NRXN3: variants seen among roughly 807,000 people sequenced by gnomAD.
NRXN3 encodes the protein neurexin 3, also known as neurexin III.
In NRXN3, 32 loss-of-function variants were observed where a neutral mutation model predicts 137.6. The ratio of observed to expected loss-of-function variants is 0.23; its 90% confidence interval spans 0.18 to 0.31. NRXN3 has a LOEUF of 0.31. NRXN3 is among the 10% of genes least tolerant of loss of function. NRXN3 has a pLI of 1.00. For missense variants in NRXN3, 1,574 were observed against 2,062.5 expected (o/e 0.76, Z 4.59); for synonymous variants, 798 against 784.5 (o/e 1.02, Z -0.29).
chr14:78,177,200 G>A (rs1364512114), intron 1 of NRXN3, among the ~76,000 whole-genome samples: 2 of 152,186 alleles, frequency 1.3e-5, no homozygotes, highest in African/African-American at 4.8e-5. Context: ...ACGAAGGGAA[G>A]CATGAATCCA....
chr14:79,366,499 T>TA (rs1452196130), intron 15 of NRXN3, among the ~76,000 whole-genome samples: 1 of 152,204 alleles, frequency 6.6e-6, no homozygotes, highest in Non-Finnish European at 1.5e-5. Flanking sequence ...ACTGTCATTC[T>TA]ACTCTCTATC....
At chr14:79,463,248 T>C (rs575956559) in intron 15 of NRXN3, among the ~76,000 whole-genome samples, 1 of 152,312 alleles carries the variant, frequency 6.6e-6, no homozygotes, top group East Asian at 1.9e-4. Context: ...GAAGAAACTA[T>C]AGGTCACCCA....
At chr14:79,250,723 C>T (rs1010533633) in intron 15 of NRXN3, among the ~76,000 whole-genome samples, 2 of 152,144 alleles carry the variant, frequency 1.3e-5, no homozygotes, top group Non-Finnish European at 2.9e-5. Context: ...TGTAAAAATA[C>T]TATGCCAGAA....
At chr14:79,173,654 A>C (rs991271970) in intron 15 of NRXN3, among the ~76,000 whole-genome samples, 1 of 152,134 alleles carries the variant, frequency 6.6e-6, no homozygotes, top group Non-Finnish European at 1.5e-5. Context: ...ATAACCAAAA[A>C]CCCAAGTAAC....
At chr14:78,733,289 T>A (rs1449514987) in intron 8 of NRXN3, among the ~76,000 whole-genome samples, 2 of 152,126 alleles carry the variant, frequency 1.3e-5, no homozygotes, top group African/African-American at 4.8e-5. Context: ...AGGGCACAGG[T>A]ATCCTGTATC....
chr14:79,461,717 A>G (rs559831263), intron 15 of NRXN3, among the ~76,000 whole-genome samples: 1 of 152,352 alleles, frequency 6.6e-6, no homozygotes, highest in East Asian at 1.9e-4. Flanking sequence ...AGCAATAACT[A>G]CATCTACTGG....
At chr14:79,669,204 A>T (rs1354982205) in intron 17 of NRXN3, 2 of 152,144 alleles carry the variant, frequency 1.3e-5, no homozygotes, top group African/African-American at 2.4e-5. Flanking sequence ...AAACAGAGAG[A>T]GCAGAGTCCT....
intron 19 of NRXN3, among the ~76,000 whole-genome samples, chr14:79,718,558 T>C (rs2098831528): frequency 6.6e-6 from 1 of 152,192 alleles, no homozygotes; most frequent in Admixed American, 6.5e-5. Flanking sequence ...ACATGGCTAT[T>C]GCTTTAATTC....
intron 16 of NRXN3, among the ~76,000 whole-genome samples, chr14:79,614,553 CCTTGCTTTTCCTT>C (rs1340787120): frequency 6.6e-6 from 1 of 152,162 alleles, no homozygotes; most frequent in Non-Finnish European, 1.5e-5. Flanking sequence ...TCTACTCCCT[CCTTGCTTTTCCTT>C]CTTATTACAC....
At chr14:78,681,860 GT>G (rs201439624) in intron 6 of NRXN3, among the ~76,000 whole-genome samples, 2 of 151,564 alleles carry the variant, frequency 1.3e-5, no homozygotes, top group African/African-American at 4.9e-5. Context: ...ACTCGGTTTT[GT>G]TTTTTTTGTT....
intron 15 of NRXN3, among the ~76,000 whole-genome samples, chr14:79,130,145 G>A (rs908245529): frequency 6.6e-6 from 1 of 150,382 alleles, no homozygotes; most frequent in Non-Finnish European, 1.5e-5. Context: ...TTGCCAGTCT[G>A]TGTCTTTTAA....
intron 3 of NRXN3, among the ~76,000 whole-genome samples, chr14:78,280,541 T>C (rs1369626432): frequency 6.6e-6 from 1 of 152,092 alleles, no homozygotes; most frequent in Admixed American, 6.5e-5. Context: ...CTCTTTCTGG[T>C]TCCCAGCAGA....
At chr14:79,100,082 C>T (rs1392014743) in intron 15 of NRXN3, among the ~76,000 whole-genome samples, 1 of 152,190 alleles carries the variant, frequency 6.6e-6, no homozygotes, top group Non-Finnish European at 1.5e-5. Context: ...CTTAAAGAGA[C>T]CATACCAGGG....
intron 4 of NRXN3, among the ~76,000 whole-genome samples, chr14:78,415,768 A>G (rs2093101312): frequency 6.6e-6 from 1 of 152,070 alleles, no homozygotes; most frequent in South Asian, 2.1e-4. Flanking sequence ...ACATTGGAGC[A>G]CTTATGATGA....
intron 10 of NRXN3, among the ~76,000 whole-genome samples, chr14:78,939,682 A>C (rs147592610): frequency 0.027 from 4,066 of 152,348 alleles, 77 homozygotes; most frequent in Non-Finnish European, 0.04. Context: ...ATGGGACCAA[A>C]ATGGATGTCA....
chr14:79,336,357 T>C (rs1292976669), intron 15 of NRXN3, among the ~76,000 whole-genome samples: 1 of 152,148 alleles, frequency 6.6e-6, no homozygotes, highest in Non-Finnish European at 1.5e-5. Flanking sequence ...GGGAAGGAGA[T>C]GTAATTTCCC....
chr14:79,093,707 G>A (rs975705645), intron 15 of NRXN3, among the ~76,000 whole-genome samples: 7 of 152,136 alleles, frequency 4.6e-5, no homozygotes, highest in Non-Finnish European at 1.5e-5. Context: ...TGGTGCAGAG[G>A]TTAGATAAAT....
At chr14:78,989,780 T>G (rs1171176850) in intron 15 of NRXN3, among the ~76,000 whole-genome samples, 2 of 152,322 alleles carry the variant, frequency 1.3e-5, no homozygotes, top group East Asian at 3.9e-4. Context: ...AGTTTATTTC[T>G]TGTCGCATAT....
chr14:79,579,021 G>A (rs1157520183), intron 16 of NRXN3, among the ~76,000 whole-genome samples: 1 of 151,844 alleles, frequency 6.6e-6, no homozygotes, highest in Non-Finnish European at 1.5e-5. Flanking sequence ...TTGCTCTTCA[G>A]TTTTAAAACA....
Sources: gnomAD v4.1 joint callset for allele counts (sites outside exome capture counted in the v4.1 genomes callset) on GRCh38, gnomAD v4.1.1 for gene constraint, MANE v1.5 for transcripts, NCBI Gene and HGNC (gene_info 2026-07-23, HGNC 2026-07-21) for gene names.